Variants in NSMCE2 observed in about 807,000 individuals in gnomAD.
NSMCE2 encodes the protein E3 SUMO-protein ligase NSE2.
In NSMCE2, 24 loss-of-function variants were observed where a neutral mutation model predicts 23.8. That is an observed-to-expected ratio of 1.01 (90% CI 0.73 to 1.42). The LOEUF is 1.42. NSMCE2 is among the 40% of genes most tolerant of loss of function. The pLI is 0.00. For synonymous variants in NSMCE2, 92 were observed against 94.1 expected (o/e 0.98, Z 0.13); for missense variants, 284 against 296.5 (o/e 0.96, Z 0.31).
chr8:125,302,436 A>G (rs1828602723), intron 5 of NSMCE2, among the ~76,000 whole-genome samples: 1 of 152,182 alleles, frequency 6.6e-6, no homozygotes, highest in Admixed American at 6.5e-5. Flanking sequence ...AAAGGAAAGT[A>G]GGAGATGAGA....
At chr8:125,345,599 G>A (rs1205791980) in intron 5 of NSMCE2, among the ~76,000 whole-genome samples, 3 of 152,272 alleles carry the variant, frequency 2.0e-5, no homozygotes, top group South Asian at 4.1e-4. Flanking sequence ...ATTACAGTAG[G>A]TACAAAAGGT....
At chr8:125,346,783 T>G (rs1240725181) in intron 5 of NSMCE2, among the ~76,000 whole-genome samples, 1 of 152,236 alleles carries the variant, frequency 6.6e-6, no homozygotes, top group Non-Finnish European at 1.5e-5. Flanking sequence ...TTGAATGTGC[T>G]GGGTTTTGAT....
At chr8:125,210,315 A>G (rs897377157) in intron 5 of NSMCE2, among the ~76,000 whole-genome samples, 1 of 152,206 alleles carries the variant, frequency 6.6e-6, no homozygotes. Context: ...AGAATAGATA[A>G]TTGCTTTCTG....
intron 5 of NSMCE2, among the ~76,000 whole-genome samples, chr8:125,256,779 G>T (rs1038160202): frequency 1.3e-5 from 2 of 151,782 alleles, no homozygotes; most frequent in Non-Finnish European, 2.9e-5. Flanking sequence ...CAAAAAATCA[G>T]CTGGGCGTGG....
chr8:125,366,726 G>C (rs1255866486), intron 7 of NSMCE2, 42 bp from the exon 8 acceptor site: 8 of 1,114,310 alleles, frequency 7.2e-6, no homozygotes, highest in Non-Finnish European at 1.1e-5. Context: ...TTCTGCTTAA[G>C]GCAGTAAAGG....
chr8:125,129,544 C>CTGTGTG (rs10578122), intron 3 of NSMCE2, among the ~76,000 whole-genome samples: 9,099 of 145,412 alleles, frequency 0.063, 306 homozygotes, highest in Middle Eastern at 0.094. Context: ...AGATTTGGCT[C>CTGTGTG]TGTGTGTGTG....
intron 5 of NSMCE2, among the ~76,000 whole-genome samples, chr8:125,281,305 A>T (rs1321282816): frequency 3.3e-5 from 5 of 152,234 alleles, no homozygotes; most frequent in Non-Finnish European, 7.3e-5. Context: ...AGTTTTGGAG[A>T]CAAAATCAAT....
chr8:125,225,216 G>T (rs1239361234), intron 5 of NSMCE2, among the ~76,000 whole-genome samples: 1 of 152,120 alleles, frequency 6.6e-6, no homozygotes, highest in East Asian at 1.9e-4. Flanking sequence ...ACCAGTATTG[G>T]GTTTTGCCAT....
intron 1 of NSMCE2, among the ~76,000 whole-genome samples, chr8:125,097,767 T>G (rs1818004805): frequency 6.6e-6 from 1 of 152,188 alleles, no homozygotes; most frequent in Non-Finnish European, 1.5e-5. Context: ...TTATGTTTAT[T>G]CTGGAATATC....
intron 5 of NSMCE2, among the ~76,000 whole-genome samples, chr8:125,200,065 G>T (rs1823796342): frequency 1.3e-5 from 2 of 152,144 alleles, no homozygotes; most frequent in Non-Finnish European, 2.9e-5. Context: ...GCCTATGTGT[G>T]TCTCTGCACA....
At chr8:125,296,386 A>G (rs1828326539) in intron 5 of NSMCE2, among the ~76,000 whole-genome samples, 2 of 139,614 alleles carry the variant, frequency 1.4e-5, no homozygotes, top group African/African-American at 5.3e-5. Flanking sequence ...TGTTGTTGCC[A>G]TGGTCATTTT....
intron 7 of NSMCE2, among the ~76,000 whole-genome samples, chr8:125,362,293 C>T (rs187853317): frequency 6.6e-6 from 1 of 152,242 alleles, no homozygotes; most frequent in Non-Finnish European, 1.5e-5. Context: ...CTTATCCTTT[C>T]TGCTTTAAAA....
intron 4 of NSMCE2, among the ~76,000 whole-genome samples, chr8:125,160,375 G>A (rs538174919): frequency 6.6e-6 from 1 of 152,232 alleles, no homozygotes; most frequent in Non-Finnish European, 1.5e-5. Flanking sequence ...GGAGAGTAGA[G>A]TGGGCAGCAG....
chr8:125,270,829 T>A (rs2131085072), intron 5 of NSMCE2: 1 of 152,180 alleles, frequency 6.6e-6, no homozygotes, highest in Non-Finnish European at 1.5e-5. Context: ...ACTTCCGTGC[T>A]GATGAGTAAT....
At chr8:125,094,565 C>T (rs1174331769) in intron 1 of NSMCE2, 1 of 152,238 alleles carries the variant, frequency 6.6e-6, no homozygotes. Flanking sequence ...ATAGTGACAG[C>T]TACTGTTTGG....
chr8:125,180,221 A>G (rs540133265), intron 4 of NSMCE2, among the ~76,000 whole-genome samples: 14 of 152,290 alleles, frequency 9.2e-5, no homozygotes, highest in South Asian at 4.1e-4. Context: ...TTGCCTTTCT[A>G]TCTTCTCTTT....
At chr8:125,105,413 A>T (rs986077529) in intron 3 of NSMCE2, among the ~76,000 whole-genome samples, 1 of 152,124 alleles carries the variant, frequency 6.6e-6, no homozygotes, top group South Asian at 2.1e-4. Flanking sequence ...AGATTGTATC[A>T]GTTTTTTTCA....
intron 5 of NSMCE2, among the ~76,000 whole-genome samples, chr8:125,239,758 C>G (rs966845824): frequency 1.3e-5 from 2 of 152,014 alleles, no homozygotes; most frequent in African/African-American, 4.8e-5. Flanking sequence ...AAAATATACC[C>G]AGAATTTGCA....
In NSMCE2 at chr8:125,102,409, T is replaced by C. The variant is rs749243938; in HGVS notation, c.79T>C (p.Leu27=). The C allele has an allele frequency of 6.2e-7, 1 of 1,613,570 alleles. No homozygotes were observed. Among genetic ancestry groups the C allele is most frequent in the South Asian group, 1.1e-5 (1 of 91,066 alleles). ...FSGVESALSS[L]KNFQACINSG... The stretch of plus-strand genomic sequence containing the variant: ...TGGTGTAGAGTCTGCTCTCTCCTCC[T>C]TGAAAAACTTCCAAGCCTGTATCAA... The change falls in exon 3 of 8, where the codon TTG becomes CTG. Residue 27 remains leucine, a synonymous_variant. Transcript: ENST00000287437.
Sources: gnomAD v4.1 joint callset for allele counts (sites outside exome capture counted in the v4.1 genomes callset) on GRCh38, gnomAD v4.1.1 for gene constraint, MANE v1.5 for transcripts, NCBI Gene and HGNC (gene_info 2026-07-23, HGNC 2026-07-21) for gene names.